The following HPSE2 variants were observed in gnomAD, a reference collection of about 807,000 sequenced individuals.
HPSE2 encodes the protein inactive heparanase-2.
In HPSE2, 38 loss-of-function variants were observed where a neutral mutation model predicts 60.5. That is an observed-to-expected ratio of 0.63 (90% CI 0.48 to 0.82). The LOEUF (loss-of-function observed/expected upper bound fraction) is 0.82. Ranked by LOEUF, HPSE2 falls within the 40% of genes least tolerant of loss-of-function variation. The pLI is 0.00. For synonymous variants in HPSE2, 295 were observed against 293.2 expected (o/e 1.01, Z -0.06); for missense variants, 713 against 740.4 (o/e 0.96, Z 0.43).
At chr10:98,925,235 G>C (rs1276181125) in intron 3 of HPSE2, among the ~76,000 whole-genome samples, 2 of 152,156 alleles carry the variant, frequency 1.3e-5, no homozygotes, top group African/African-American at 4.8e-5. Context: ...TTTTGTGATG[G>C]GGCTTTTCTG....
chr10:98,907,426 A>G (rs1953854332), intron 3 of HPSE2, among the ~76,000 whole-genome samples: 1 of 152,172 alleles, frequency 6.6e-6, no homozygotes, highest in Non-Finnish European at 1.5e-5. Flanking sequence ...GCTTGAGCCT[A>G]GGAGTTTGAT....
At chr10:98,868,655 A>T (rs181864791) in intron 3 of HPSE2, among the ~76,000 whole-genome samples, 1 of 152,264 alleles carries the variant, frequency 6.6e-6, no homozygotes, top group African/African-American at 2.4e-5. Context: ...AAGTTAAAAA[A>T]TTTTAAAAAA....
chr10:99,235,999 C>CT (rs371950895), upstream of HPSE2: 32,126 of 341,454 alleles, frequency 0.094, 340 homozygotes, highest in Non-Finnish European at 0.12. Flanking sequence ...TTGTTTTTTT[C>CT]TTTTTTTTTT....
At chr10:99,244,319 C>A in the HPSE2 span, among the ~76,000 whole-genome samples, 39 of 151,598 alleles carry the variant, frequency 2.6e-4, 2 homozygotes, top group Middle Eastern at 3.4e-3. Context: ...GCCCGGCCTA[C>A]AACGGTATTT....
chr10:98,691,477 A>G (rs1157887109), intron 6 of HPSE2, among the ~76,000 whole-genome samples: 1 of 152,226 alleles, frequency 6.6e-6, no homozygotes, highest in Non-Finnish European at 1.5e-5. Context: ...TTGAATAGAA[A>G]AGAAAAGCTT....
intron 9 of HPSE2, among the ~76,000 whole-genome samples, chr10:98,516,359 T>TTGAA (rs1942602007): frequency 6.6e-6 from 1 of 152,208 alleles, no homozygotes; most frequent in African/African-American, 2.4e-5. Flanking sequence ...TAAATATTTG[T>TTGAA]TGAATGAATG....
At chr10:98,481,619 A>G (rs1243554408) in intron 11 of HPSE2, among the ~76,000 whole-genome samples, 32 of 152,346 alleles carry the variant, frequency 2.1e-4, no homozygotes, top group African/African-American at 7.5e-4. Context: ...TGGGCTAAAT[A>G]AGTCACTCAA....
At chr10:98,848,715 C>T (rs980143876) in intron 3 of HPSE2, among the ~76,000 whole-genome samples, 1 of 152,170 alleles carries the variant, frequency 6.6e-6, no homozygotes, top group Non-Finnish European at 1.5e-5. Flanking sequence ...GAAAGTAAGG[C>T]TAACTTTCAT....
At position 98,862,183 on chromosome 10, in the gene HPSE2, A is replaced by C. The variant is rs542603241; in HGVS notation, c.611-118127T>G. ...CATCTCTGGCTCTAATGCAATCTTG[A>C]GCCTCAGGGGCACTGGAATCAGGCA... On this transcript the variant is annotated intron_variant, in intron 3 of 11. Coordinates refer to ENST00000370552, the MANE Select transcript of HPSE2 (RefSeq NM_021828.5). Among the ~76,000 whole-genome samples the C allele has an allele frequency of 5.4e-4, 82 of 152,264 alleles. 1 individual carries two copies. Among genetic ancestry groups the C allele is most frequent in the Admixed American group, 9.8e-4 (15 of 15,278 alleles).
rs1465974866 is a variant in HPSE2, at chr10:98,671,311, G to C, written c.1004+22589C>G. 3.3e-5 allele frequency among the ~76,000 whole-genome samples: 5 copies of C among 152,168 alleles called. No individual in the cohort carries two copies. The East Asian group carries it at 7.7e-4, about 23-fold the overall frequency. ...CACCTCATCTTCTTGCTTGGAGTTA[G>C]AGAGCCAAGTCAAATGGTCTCTTTA... On this transcript the variant is annotated intron_variant, in intron 6 of 11. Transcript: ENST00000370552.
chr10:98,472,230 G>A (rs976558787), intron 11 of HPSE2, among the ~76,000 whole-genome samples: 37 of 150,748 alleles, frequency 2.5e-4, no homozygotes, highest in African/African-American at 1.5e-4. Context: ...TTATATTTCC[G>A]CTTTTTACAG....
chr10:98,677,126 T>C (rs1947664835), intron 6 of HPSE2, among the ~76,000 whole-genome samples: 1 of 152,202 alleles, frequency 6.6e-6, no homozygotes, highest in South Asian at 2.1e-4. Flanking sequence ...TAAGCTATAC[T>C]TGTAGAAGTG....
At chr10:99,308,910 A>C in the HPSE2 span, among the ~76,000 whole-genome samples, 1 of 152,248 alleles carries the variant, frequency 6.6e-6, no homozygotes, top group Non-Finnish European at 1.5e-5. Context: ...AGTTCGGTTT[A>C]GAAATAACTC....
chr10:98,532,075 T>G (rs1389591752), intron 9 of HPSE2, among the ~76,000 whole-genome samples: 1 of 152,228 alleles, frequency 6.6e-6, no homozygotes, highest in Non-Finnish European at 1.5e-5. Flanking sequence ...ACTCTTTATC[T>G]GGATTTCAAG....
intron 11 of HPSE2, among the ~76,000 whole-genome samples, chr10:98,481,083 T>A (rs2133641281): frequency 6.6e-6 from 1 of 152,304 alleles, no homozygotes; most frequent in African/African-American, 2.4e-5. Context: ...GTGCACACAG[T>A]CTTCCTGACA....
chr10:98,941,887 G>C (rs1269189375), intron 3 of HPSE2, among the ~76,000 whole-genome samples: 1 of 141,590 alleles, frequency 7.1e-6, no homozygotes, highest in Admixed American at 7.1e-5. Context: ...CAGAGATATA[G>C]ATCAATGGAA....
At chr10:98,461,494 A>AG (rs1201867581) in intron 11 of HPSE2, among the ~76,000 whole-genome samples, 1 of 152,250 alleles carries the variant, frequency 6.6e-6, no homozygotes, top group African/African-American at 2.4e-5. Context: ...CTCTGTAGTG[A>AG]AGACAGCCTA....
intron 3 of HPSE2, among the ~76,000 whole-genome samples, chr10:98,877,140 A>G (rs1952899521): frequency 6.6e-6 from 1 of 151,892 alleles, no homozygotes; most frequent in South Asian, 2.1e-4. Flanking sequence ...CCTTCGTTCT[A>G]TTATAAAACG....
intron 2 of HPSE2, among the ~76,000 whole-genome samples, chr10:99,175,286 C>G (rs1009483722): frequency 1.3e-5 from 2 of 152,276 alleles, no homozygotes; most frequent in South Asian, 2.1e-4. Context: ...TTTACTCCCC[C>G]AGAAAGGGGG....
Sources: gnomAD v4.1 joint callset for allele counts (sites outside exome capture counted in the v4.1 genomes callset) on GRCh38, gnomAD v4.1.1 for gene constraint, MANE v1.5 for transcripts, NCBI Gene and HGNC (gene_info 2026-07-23, HGNC 2026-07-21) for gene names.